The following CDV3 variants were observed in gnomAD, a reference collection of about 807,000 sequenced individuals.
The protein encoded by CDV3 is protein CDV3 homolog.
Under a neutral mutation model 24.5 loss-of-function variants are expected in CDV3, and 14 were observed. The ratio of observed to expected loss-of-function variants is 0.57; its 90% CI spans 0.38 to 0.89. CDV3 has a LOEUF of 0.89. Among genes scored for constraint, CDV3 ranks in the 40% least tolerant of loss-of-function variants. CDV3 has a pLI of 0.00. For synonymous variants in CDV3, 114 were observed against 114.1 expected, an observed-to-expected ratio of 1.00 and a Z score of 0.00; for missense variants, 304 against 310.2, an observed-to-expected ratio of 0.98 and a Z score of 0.15.
intron 3 of CDV3, among the ~76,000 whole-genome samples, chr3:133,586,325 A>AC (rs1339880362): frequency 6.6e-6 from 1 of 151,936 alleles, no homozygotes; most frequent in Non-Finnish European, 1.5e-5. Context: ...TGAACTCCTG[A>AC]CCCCAGGTGA....
At chr3:133,585,511 TTA>T (rs144733670) in intron 3 of CDV3, among the ~76,000 whole-genome samples, 16,140 of 149,706 alleles carry the variant, frequency 0.11, 1,105 homozygotes, top group African/African-American at 0.19. Context: ...TTTTTTTTTT[TTA>T]AGACAAAGTC....
At chr3:133,575,218 C>T in intron 2 of CDV3, 103 bp downstream of exon 2, 1 of 671,252 alleles carries the variant, frequency 1.5e-6, no homozygotes, top group Admixed American at 2.5e-5. Context: ...TAGCCTTGTG[C>T]TCTAGATATG....
chr3:133,574,055 C>T lies in CDV3; in HGVS notation c.11C>T (p.Thr4Met). Residue 4 changes from threonine (T) to methionine (M), a missense_variant, in exon 1 of 5, where the codon ACG becomes ATG. By Grantham distance (81) the Thr-to-Met change is moderately conservative. This residue lies in a region of CDV3 where 219 missense variants were observed against 203.6 expected (regional missense o/e 1.08). Coordinates refer to ENST00000264993, the MANE Select transcript of CDV3 (RefSeq NM_017548.5). Reference sequence around the variant, plus strand: ...GAGGAGGCCGAGGCCATGGCTGAGACGGAGGAGCGGAGCCTGGACAACTTC... The same window carrying T: ...GAGGAGGCCGAGGCCATGGCTGAGATGGAGGAGCGGAGCCTGGACAACTTC... MAE[T>M]EERSLDNFFA... is the part of the protein sequence containing the mutation. 1.7e-6 allele frequency: 2 copies of T among 1,209,816 alleles called. No homozygotes were observed. Among genetic ancestry groups the T allele is most frequent in the Non-Finnish European group, 1.1e-6 (1 of 949,078 alleles). 74.9% of individuals were successfully genotyped at this position (1,209,816 alleles called of 1,614,324 possible).
chr3:133,587,982 T>C lies in CDV3; in HGVS notation c.713T>C (p.Leu238Pro), dbSNP rs1486488672. The C allele has an allele frequency of 6.2e-7, 1 of 1,614,090 alleles. No homozygotes were observed. Among genetic ancestry groups the C allele is most frequent in the Non-Finnish European group, 8.5e-7 (1 of 1,180,000 alleles). Reference protein sequence around the residue: ...DEVSKNQALKLQLDNQYAVLE... With the variant: ...DEVSKNQALKPQLDNQYAVLE... ...GTTTCAAAAAACCAGGCCCTTAAAC[T>C]TCAGCTAGACAACCAATATGCTGTG... Residue 238 changes from leucine to proline, a missense_variant, in exon 5 of 5, where the codon CTT becomes CCT. Transcript: ENST00000264993.
Position 133,588,722 on chromosome 3 carries a change from G to A in CDV3, c.*676G>A, listed in dbSNP as rs1933852990. The A allele has an allele frequency of 1.3e-5, 3 of 226,474 alleles. No homozygotes were observed. The highest frequency in any genetic ancestry group is 2.5e-5 in the Non-Finnish European group (3 of 117,764). 14.0% of individuals were successfully genotyped at this position (226,474 alleles called of 1,614,324 possible). ...TAATTTAAACTAATTGTATTCTGAG[G>A]TAACCACAAAATAAATTCAACCAAA... On this transcript the variant is annotated 3_prime_UTR_variant, in exon 5 of 5. Coordinates refer to ENST00000264993, the MANE Select transcript of CDV3 (RefSeq NM_017548.5).
In CDV3 at chr3:133,574,168, A is replaced by G. The variant is rs193280445; in HGVS notation, c.124A>G (p.Ser42Gly). The G allele has an allele frequency of 9.2e-6, 10 of 1,082,028 alleles. No homozygotes were observed. In the Admixed American group the frequency reaches 3.8e-4, roughly 41 times the overall value. The allele number at this position is 1,082,028 out of a possible 1,614,324, so 67.0% of individuals were successfully genotyped here. Residue 42 changes from serine (S) to glycine (G), a missense_variant, in exon 1 of 5, where the codon AGT becomes GGT. Ser to Gly is a moderately conservative substitution (Grantham distance 56). Around this residue, in one of 3 missense-constraint regions of CDV3, gnomAD observed 219 missense variants for 203.6 expected, o/e 1.08. Transcript: ENST00000264993. ...CGCAGCGGGCAGCGCCGGCGGAAGC[A>G]GTGGAGCCGCGGGTGCGGCGGGCGG... ...AGAAGSAGGS[S>G]GAAGAAGGGA...
At chr3:133,587,804 A>G (rs1933768569) in intron 4 of CDV3, 92 bp from the exon 5 acceptor site, 2 of 1,509,552 alleles carry the variant, frequency 1.3e-6, no homozygotes, top group Non-Finnish European at 1.8e-6. Flanking sequence ...GGATTCTTCT[A>G]AGGGGTGGCT....
intron 2 of CDV3, among the ~76,000 whole-genome samples, chr3:133,580,443 C>T (rs2074971419): frequency 6.6e-6 from 1 of 152,180 alleles, no homozygotes; most frequent in South Asian, 2.1e-4. Context: ...TGGCTCACGC[C>T]TGTAATCTCA....
Position 133,573,931 on chromosome 3 carries a change from G to A in CDV3, c.-114G>A. The A allele has an allele frequency of 1.2e-6, 1 of 862,112 alleles. No individual in the cohort carries two copies. The highest frequency in any genetic ancestry group is 1.4e-6 in the Non-Finnish European group (1 of 716,770). The allele number at this position is 862,112 out of a possible 1,614,324, so 53.4% of individuals were successfully genotyped here. Reference sequence around the variant, plus strand: ...CGCCTCGGCGACCCCGCGGGGCTGAGGCGTCGCCGCGCCCGGCAGCGTGAG... The same window carrying A: ...CGCCTCGGCGACCCCGCGGGGCTGAAGCGTCGCCGCGCCCGGCAGCGTGAG... On this transcript the variant is annotated 5_prime_UTR_variant, in exon 1 of 5. Transcript: ENST00000264993.
At chr3:133,574,597 C>T (rs1463298688) in intron 1 of CDV3, 29 of 1,001,032 alleles carry the variant, frequency 2.9e-5, no homozygotes, top group Non-Finnish European at 3.2e-5. Context: ...TATCGGGTGA[C>T]GTCTAGGCTG....
At chr3:133,587,108 A>C in intron 4 of CDV3, 1 of 952,490 alleles carries the variant, frequency 1.0e-6, no homozygotes, top group Non-Finnish European at 1.5e-6. Context: ...GTGACTATAG[A>C]CAGAAGATGT....
At chr3:133,583,912 G>A in intron 2 of CDV3, 90 bp from the exon 3 acceptor site, 3 of 901,988 alleles carry the variant, frequency 3.3e-6, no homozygotes, top group Non-Finnish European at 5.2e-6. Flanking sequence ...CTTCTTCAGG[G>A]TCGTACAGAT....
Position 133,575,058 on chromosome 3 carries a change from A to C in CDV3, c.260A>C (p.Glu87Ala). Reference sequence around the variant, plus strand: ...TTACAGGACGAAGATGAATGGAAAGAATTGGAGCAAAAAGAGGTTGATTAC... The same window carrying C: ...TTACAGGACGAAGATGAATGGAAAGCATTGGAGCAAAAAGAGGTTGATTAC... ...AVTKDEDEWK[E>A]LEQKEVDYSG... Residue 87 changes from glutamate to alanine, a missense_variant, in exon 2 of 5, where the codon GAA (glutamate) becomes GCA (alanine). This residue lies in a region of CDV3 where 219 missense variants were observed against 203.6 expected (regional missense o/e 1.08). Transcript: ENST00000264993. 1 of 1,604,116 alleles carries C rather than the reference A, an allele frequency of 6.2e-7. No homozygotes were observed. The highest frequency in any genetic ancestry group is 8.5e-7 in the Non-Finnish European group (1 of 1,170,874).
intron 1 of CDV3, chr3:133,574,622 C>G: frequency 9.9e-7 from 1 of 1,011,784 alleles, no homozygotes; most frequent in South Asian, 3.7e-5. Flanking sequence ...ATTCCGTGTG[C>G]TGACCTCAGC....
intron 3 of CDV3, among the ~76,000 whole-genome samples, chr3:133,585,201 G>A (rs1469686464): frequency 2.6e-5 from 4 of 151,900 alleles, no homozygotes; most frequent in Admixed American, 6.6e-5. Context: ...ACCGGGGCAT[G>A]CCACCTGTTT....
At chr3:133,578,819 G>C (rs1204022753) in intron 2 of CDV3, among the ~76,000 whole-genome samples, 1 of 152,158 alleles carries the variant, frequency 6.6e-6, no homozygotes, top group African/African-American at 2.4e-5. Context: ...CCTAGTGTTG[G>C]GGAAGGGGAG....
intron 4 of CDV3, chr3:133,587,448 T>C (rs1432515021): frequency 8.7e-7 from 1 of 1,155,450 alleles, no homozygotes; most frequent in Non-Finnish European, 1.1e-6. Flanking sequence ...CACTCGAGTT[T>C]CTTTACCTGA....
At chr3:133,584,950 T>C (rs1933432787) in intron 3 of CDV3, among the ~76,000 whole-genome samples, 1 of 152,228 alleles carries the variant, frequency 6.6e-6, no homozygotes, top group African/African-American at 2.4e-5. Context: ...GAGCACTACT[T>C]TAAAGAAGTG....
At chr3:133,584,385 A>G (rs182982232) in intron 3 of CDV3, among the ~76,000 whole-genome samples, 17 of 152,280 alleles carry the variant, frequency 1.1e-4, no homozygotes, top group Admixed American at 2.0e-4. Context: ...ATTTATATAG[A>G]TATAGACTAG....
Sources: allele counts gnomAD v4.1 joint callset (sites outside exome capture counted in the v4.1 genomes callset), GRCh38; gene constraint gnomAD v4.1.1; regional missense constraint gnomAD v4.1.1; transcripts MANE v1.5; gene names NCBI Gene and HGNC (gene_info 2026-07-23, HGNC 2026-07-21).